THSD7B: variants seen among roughly 807,000 people sequenced by gnomAD.
The protein encoded by THSD7B is thrombospondin type-1 domain-containing protein 7B.
In THSD7B, 138 loss-of-function variants were observed where a neutral mutation model predicts 213.6. The ratio of observed to expected loss-of-function variants is 0.65; its 90% confidence interval spans 0.56 to 0.74. The LOEUF is 0.74. Among genes scored for constraint, THSD7B ranks in the 30% least tolerant of loss-of-function variants. The probability of loss-of-function intolerance (pLI) is 0.00; values close to 1 mark genes in which losing one functional copy is unlikely to be tolerated. For synonymous variants in THSD7B, 742 were observed against 687.0 expected, an observed-to-expected ratio of 1.08 and a Z score of -1.25; for missense variants, 1,931 against 1,991.5, an observed-to-expected ratio of 0.97 and a Z score of 0.58.
intron 12 of THSD7B, among the ~76,000 whole-genome samples, chr2:137,302,041 TG>T (rs1487942379): frequency 6.6e-6 from 1 of 151,854 alleles, no homozygotes; most frequent in East Asian, 1.9e-4. Flanking sequence ...TGGACCAGAG[TG>T]CTGTCATTAG....
chr2:137,463,146 A>G (rs1687922486), intron 15 of THSD7B, among the ~76,000 whole-genome samples: 1 of 152,114 alleles, frequency 6.6e-6, no homozygotes, highest in African/African-American at 2.4e-5. Context: ...ATTTAAAATC[A>G]TGTTCGATTG....
chr2:136,858,325 A>C (rs983731814), intron 1 of THSD7B, among the ~76,000 whole-genome samples: 1 of 152,186 alleles, frequency 6.6e-6, no homozygotes, highest in African/African-American at 2.4e-5. Context: ...TGTAAAAATA[A>C]TCTATAGTTC....
chr2:137,568,514 G>A (rs569249847), intron 16 of THSD7B, among the ~76,000 whole-genome samples: 73 of 152,146 alleles, frequency 4.8e-4, no homozygotes, highest in Non-Finnish European at 7.6e-4. Flanking sequence ...AGAAATACCC[G>A]AGACTGGTTA....
intron 15 of THSD7B, among the ~76,000 whole-genome samples, chr2:137,534,427 TA>T (rs1680463245): frequency 6.6e-6 from 1 of 151,360 alleles, no homozygotes; most frequent in East Asian, 1.9e-4. Flanking sequence ...TGAATATATA[TA>T]TTTTTTTCCA....
chr2:137,242,029 C>G (rs1176551058), intron 9 of THSD7B, among the ~76,000 whole-genome samples: 1 of 151,684 alleles, frequency 6.6e-6, no homozygotes, highest in Non-Finnish European at 1.5e-5. Context: ...TTTTTGTTTT[C>G]CAATATATGT....
chr2:137,068,558 T>C (rs1410796091), intron 3 of THSD7B, among the ~76,000 whole-genome samples: 1 of 152,128 alleles, frequency 6.6e-6, no homozygotes, highest in Non-Finnish European at 1.5e-5. Context: ...AGGATTTTTT[T>C]GCTAAAAGGC....
At chr2:137,270,803 T>G (rs1682715865) in intron 10 of THSD7B, among the ~76,000 whole-genome samples, 1 of 152,076 alleles carries the variant, frequency 6.6e-6, no homozygotes, top group Non-Finnish European at 1.5e-5. Context: ...TTATAAAAGA[T>G]TGAAAGATGG....
intron 10 of THSD7B, among the ~76,000 whole-genome samples, chr2:137,245,625 T>G (rs900030191): frequency 6.6e-6 from 1 of 152,172 alleles, no homozygotes; most frequent in Non-Finnish European, 1.5e-5. Context: ...GACTTGCCCC[T>G]GCTAGATTTT....
At chr2:137,006,432 A>ATACATACC (rs1169623623) in intron 2 of THSD7B, among the ~76,000 whole-genome samples, 1 of 151,978 alleles carries the variant, frequency 6.6e-6, no homozygotes, top group Non-Finnish European at 1.5e-5. Flanking sequence ...ACATACATAC[A>ATACATACC]TACATACATA....
chr2:136,944,621 C>G (rs1393412201), intron 2 of THSD7B, among the ~76,000 whole-genome samples: 1 of 151,898 alleles, frequency 6.6e-6, no homozygotes, highest in African/African-American at 2.4e-5. Context: ...TTGAATTGAT[C>G]CCTTTACCAT....
At chr2:136,841,901 C>G (rs959273846) in intron 1 of THSD7B, among the ~76,000 whole-genome samples, 1 of 152,018 alleles carries the variant, frequency 6.6e-6, no homozygotes, top group Non-Finnish European at 1.5e-5. Context: ...GAAAAGAAAA[C>G]CAAACTTTTC....
intron 12 of THSD7B, among the ~76,000 whole-genome samples, chr2:137,373,440 G>A (rs1685578023): frequency 6.6e-6 from 1 of 152,178 alleles, no homozygotes; most frequent in Admixed American, 6.5e-5. Context: ...GCATTTCTCT[G>A]ATGGCCAGTG....
At chr2:137,137,546 T>C (rs1679490132) in intron 5 of THSD7B, among the ~76,000 whole-genome samples, 1 of 152,150 alleles carries the variant, frequency 6.6e-6, no homozygotes, top group Non-Finnish European at 1.5e-5. Flanking sequence ...TTGCCTACAG[T>C]GTTCAGTACA....
intron 2 of THSD7B, among the ~76,000 whole-genome samples, chr2:137,029,134 A>G (rs1446486960): frequency 3.4e-5 from 4 of 116,512 alleles, no homozygotes; most frequent in African/African-American, 1.0e-4. Flanking sequence ...GCTAGAGTTT[A>G]GTGGCATGAT....
chr2:136,890,454 C>T (rs1683817590), intron 2 of THSD7B, among the ~76,000 whole-genome samples: 1 of 1,148 alleles, frequency 8.7e-4, no homozygotes, highest in Admixed American at 0.028. Flanking sequence ...TCTTCTTCTT[C>T]TTCTTCTCCT....
At chr2:137,406,318 G>A (rs1255992703) in intron 13 of THSD7B, among the ~76,000 whole-genome samples, 2 of 152,130 alleles carry the variant, frequency 1.3e-5, no homozygotes, top group South Asian at 2.1e-4. Flanking sequence ...TATTAATTAT[G>A]AGTTCTGTTT....
chr2:137,647,392 A>T (rs1419158839), intron 21 of THSD7B, among the ~76,000 whole-genome samples: 1 of 147,052 alleles, frequency 6.8e-6, no homozygotes, highest in Non-Finnish European at 1.5e-5. Flanking sequence ...TGAAGGCCTG[A>T]GTCCCTACTC....
chr2:137,463,749 T>C (rs1458362936), intron 15 of THSD7B, among the ~76,000 whole-genome samples: 1 of 152,084 alleles, frequency 6.6e-6, no homozygotes, highest in Admixed American at 6.6e-5. Flanking sequence ...AAGCTGTACA[T>C]GTATATGAGG....
intron 2 of THSD7B, among the ~76,000 whole-genome samples, chr2:136,993,300 A>G (rs1318269878): frequency 1.2e-4 from 18 of 152,224 alleles, no homozygotes. Flanking sequence ...AAGTCAAACC[A>G]GTGTGCTCCT....
Sources: allele counts gnomAD v4.1 joint callset (sites outside exome capture counted in the v4.1 genomes callset), GRCh38; gene constraint gnomAD v4.1.1; transcripts MANE v1.5; gene names NCBI Gene and HGNC (gene_info 2026-07-23, HGNC 2026-07-21).